ZYG11A: variants seen among roughly 807,000 people sequenced by gnomAD.
ZYG11A encodes the protein zyg-11 family member A, cell cycle regulator.
ZYG11A carries 62 observed loss-of-function variants against 77.2 expected under a neutral mutation model. The observed-to-expected ratio is 0.80, with a 90% CI of 0.65 to 0.99. The LOEUF is 0.99. Among genes scored for constraint, ZYG11A ranks in the 50% least tolerant of loss-of-function variants. The pLI is 0.00. For synonymous variants in ZYG11A, 315 were observed against 324.6 expected, an observed-to-expected ratio of 0.97 and a Z score of 0.32; for missense variants, 828 against 896.8, an observed-to-expected ratio of 0.92 and a Z score of 0.98.
chr1:52,873,801 T>A (rs908915899), intron 8 of ZYG11A, among the ~76,000 whole-genome samples: 1 of 151,952 alleles, frequency 6.6e-6, no homozygotes, highest in East Asian at 1.9e-4. Context: ...CTGGCCAACA[T>A]GGTGGAACCC....
chr1:52,856,966 G>A, intron 2 of ZYG11A, 32 bp from the exon 3 acceptor site: 1 of 1,491,850 alleles, frequency 6.7e-7, no homozygotes. Context: ...AGATCTAGTT[G>A]TCATTACAAG....
intron 1 of ZYG11A, among the ~76,000 whole-genome samples, chr1:52,843,511 G>A (rs957060527): frequency 6.6e-6 from 1 of 152,170 alleles, no homozygotes; most frequent in Non-Finnish European, 1.5e-5. Flanking sequence ...GTCCGGCTGG[G>A]GGAACTGGAA....
intron 13 of ZYG11A, among the ~76,000 whole-genome samples, chr1:52,890,932 C>G (rs952255062): frequency 6.6e-6 from 1 of 150,988 alleles, no homozygotes; most frequent in Non-Finnish European, 1.5e-5. Flanking sequence ...CAGTTTCGCT[C>G]TTGTTGCCTA....
rs763720579 is a variant in ZYG11A, at chr1:52,885,936, C to CT, written c.2006+50dup. The CT allele has an allele frequency of 9.6e-5, 137 of 1,426,336 alleles. No homozygotes were observed. In the African/African-American group the frequency reaches 1.1e-3, roughly 11 times the overall value. 88.4% of individuals were successfully genotyped at this position (1,426,336 alleles called of 1,614,324 possible). A position where few individuals can be genotyped will look rare whatever the true frequency, so the allele number is the denominator to read the frequency against. On this transcript the variant is annotated intron_variant, in intron 12 of 13. Transcript: ENST00000371528. ...GTGCTTTTCTTCTTTTTTTTTTCTT[C>CT]TTTTTTTTATTTTTGAGACAGAGTC...
chr1:52,854,361 C>A (rs373782439), intron 1 of ZYG11A, 104 bp from the exon 2 acceptor site: 1 of 1,065,990 alleles, frequency 9.4e-7, no homozygotes, highest in Non-Finnish European at 1.3e-6. Context: ...AAGGATGTAT[C>A]TTCAGATACT....
At chr1:52,889,173 TCA>T (rs1054084610) in intron 13 of ZYG11A, among the ~76,000 whole-genome samples, 2 of 152,058 alleles carry the variant, frequency 1.3e-5, no homozygotes, top group African/African-American at 4.8e-5. Flanking sequence ...AGACAGGGTC[TCA>T]CTTCATTGCC....
chr1:52,892,477 G>A (rs1220455479), intron 13 of ZYG11A, among the ~76,000 whole-genome samples: 1 of 151,210 alleles, frequency 6.6e-6, no homozygotes, highest in Non-Finnish European at 1.5e-5. Context: ...GCAGTGAACC[G>A]AGATTGCGCC....
chr1:52,887,551 CA>C (rs919087674), intron 13 of ZYG11A, among the ~76,000 whole-genome samples: 2 of 151,862 alleles, frequency 1.3e-5, no homozygotes, highest in African/African-American at 4.8e-5. Context: ...ATTTCCCAGA[CA>C]GATTAAATAT....
chr1:52,844,959 A>G (rs956061278), intron 1 of ZYG11A, among the ~76,000 whole-genome samples: 25 of 151,964 alleles, frequency 1.6e-4, no homozygotes, highest in African/African-American at 6.0e-4. Context: ...TTTATTTTTA[A>G]TTAAGACGGT....
Position 52,894,521 on chromosome 1 carries a change from C to CG in ZYG11A, c.*1564_*1565insG, listed in dbSNP as rs1359833454. 2 of 152,156 alleles carry CG rather than the reference C, an allele frequency of 1.3e-5. No homozygotes were observed. Among genetic ancestry groups the CG allele is most frequent in the African/African-American group, 4.8e-5 (2 of 41,438 alleles). The allele number at this position is 152,156 out of a possible 1,614,324, so 9.4% of individuals were successfully genotyped here. Reference sequence around the variant, plus strand: ...TTGACTGTTAATGAACATGTTTTGTCATTTATCTGTTTAAGTTTTTCAGAA... The same window carrying CG: ...TTGACTGTTAATGAACATGTTTTGTCGATTTATCTGTTTAAGTTTTTCAGAA... On this transcript the variant is annotated 3_prime_UTR_variant, in exon 14 of 14. Coordinates refer to ENST00000371528, the MANE Select transcript of ZYG11A (RefSeq NM_001004339.3).
chr1:52,857,272 T>C lies in ZYG11A; in HGVS notation c.531T>C (p.Phe177=). The change falls in exon 3 of 14, where the codon TTT becomes TTC. Residue 177 remains phenylalanine, a synonymous_variant. Transcript: ENST00000371528. The stretch of plus-strand genomic sequence containing the variant: ...CTCAAAATTCAAGATTACTGTTCTT[T>C]AGTCAGCTCACTGGTCTTCGCATTT... ...SIPQNSRLLF[F]SQLTGLRILS... 3 of 1,552,184 alleles carry C rather than the reference T, an allele frequency of 1.9e-6. No homozygotes were observed. The highest frequency in any genetic ancestry group is 2.4e-5 in the East Asian group (1 of 40,934).
At chr1:52,851,514 C>T (rs377031469) in intron 1 of ZYG11A, among the ~76,000 whole-genome samples, 15 of 152,180 alleles carry the variant, frequency 9.9e-5, no homozygotes, top group African/African-American at 3.6e-4. Context: ...TCTCCTGCCT[C>T]AGCCTCCCGA....
At chr1:52,884,988 A>T (rs545299240) in intron 11 of ZYG11A, among the ~76,000 whole-genome samples, 5 of 151,566 alleles carry the variant, frequency 3.3e-5, no homozygotes, top group African/African-American at 1.2e-4. Flanking sequence ...AGCTCACTGC[A>T]ACCTCTGCCT....
intron 8 of ZYG11A, among the ~76,000 whole-genome samples, chr1:52,872,926 A>C (rs1646196501): frequency 6.6e-6 from 1 of 151,538 alleles, no homozygotes; most frequent in Non-Finnish European, 1.5e-5. Flanking sequence ...AAGAAAAAAG[A>C]AATATTTTAT....
chr1:52,862,934 C>T (rs1300108901), intron 4 of ZYG11A, among the ~76,000 whole-genome samples: 1 of 152,102 alleles, frequency 6.6e-6, no homozygotes, highest in Non-Finnish European at 1.5e-5. Flanking sequence ...TAGGCATGCC[C>T]CACCATGCCT....
At chr1:52,855,185 C>T (rs1296961167) in intron 2 of ZYG11A, among the ~76,000 whole-genome samples, 1 of 112,574 alleles carries the variant, frequency 8.9e-6, no homozygotes, top group Non-Finnish European at 2.3e-5. Flanking sequence ...TTTCAAAATG[C>T]TCTTGCTGTA....
chr1:52,846,310 T>TTTTA (rs1645577922), intron 1 of ZYG11A, among the ~76,000 whole-genome samples: 1 of 35,802 alleles, frequency 2.8e-5, no homozygotes, highest in Non-Finnish European at 7.6e-5. Flanking sequence ...TTTTAAATTT[T>TTTTA]TATATATATA....
chr1:52,878,629 C>T (rs1048310538), intron 10 of ZYG11A, among the ~76,000 whole-genome samples: 8 of 152,028 alleles, frequency 5.3e-5, no homozygotes, highest in Non-Finnish European at 1.0e-4. Flanking sequence ...CCCAGAAATG[C>T]CGTTTATCCT....
intron 1 of ZYG11A, among the ~76,000 whole-genome samples, chr1:52,852,696 C>T (rs1645737676): frequency 6.6e-6 from 1 of 151,962 alleles, no homozygotes; most frequent in Non-Finnish European, 1.5e-5. Flanking sequence ...CATTTTTTGC[C>T]TTATGATAGG....
Sources: allele counts gnomAD v4.1 joint callset (sites outside exome capture counted in the v4.1 genomes callset), GRCh38; gene constraint gnomAD v4.1.1; transcripts MANE v1.5; gene names NCBI Gene and HGNC (gene_info 2026-07-23, HGNC 2026-07-21).